BIRC6: variants seen among roughly 807,000 people sequenced by gnomAD.
BIRC6 encodes baculoviral IAP repeat containing 6.
BIRC6 carries 98 observed loss-of-function variants against 503.3 expected under a neutral mutation model. The ratio of observed to expected loss-of-function variants is 0.19; its 90% CI spans 0.17 to 0.23. The LOEUF (loss-of-function observed/expected upper bound fraction) is 0.23, where lower values mean the gene tolerates loss of function less well. Among genes scored for constraint, BIRC6 ranks in the 10% least tolerant of loss-of-function variants. The pLI is 1.00. For missense variants in BIRC6, 5,360 were observed against 5,806.0 expected (o/e 0.92, Z 2.50); for synonymous variants, 2,240 against 2,078.7 (o/e 1.08, Z -2.11).
chr2:32,549,530 T>C (rs753777919), intron 65 of BIRC6, 49 bp downstream of exon 65: 2 of 1,279,404 alleles, frequency 1.6e-6, no homozygotes, highest in Non-Finnish European at 2.0e-6. Context: ...TTTGTTTGCT[T>C]ATTTTATCAT....
rs141272308 is a variant in BIRC6, at chr2:32,416,529, A to C, written c.2872+366A>C. On this transcript the variant is annotated intron_variant, in intron 10 of 73. Transcript: ENST00000421745. ...TATTTATTTATAAACTAGGATAAGA[A>C]AGTCCATTTCCTAGGCTTATTAGAA... Among the ~76,000 whole-genome samples, 1,363 of 151,774 alleles carry C rather than the reference A, an allele frequency of 9.0e-3. 23 individuals are homozygous for C. The highest frequency in any genetic ancestry group is 0.03 in the African/African-American group (1,243 of 41,450).
At chr2:32,419,622 A>T (rs1435429588) in intron 10 of BIRC6, among the ~76,000 whole-genome samples, 1 of 152,080 alleles carries the variant, frequency 6.6e-6, no homozygotes, top group African/African-American at 2.4e-5. Context: ...GATACTTGAC[A>T]AAAAATGCTT....
Position 32,508,210 on chromosome 2 carries a change from A to C in BIRC6, c.9931A>C (p.Thr3311Pro). Reference protein sequence around the residue: ...LTAFGTTSSATVNNPFLPSED... With the variant: ...LTAFGTTSSAPVNNPFLPSED... ...TGCTTTTGGTACCACCTCTTCTGCA[A>C]CAGTTAATAATCCATTCCTTCCATC... The change falls in exon 51 of 74, where the codon ACA becomes CCA. Residue 3311 changes from threonine to proline, a missense_variant. Thr to Pro is a conservative substitution (Grantham distance 38). Coordinates refer to ENST00000421745, the MANE Select transcript of BIRC6 (RefSeq NM_016252.4). The C allele has an allele frequency of 6.2e-7, 1 of 1,610,580 alleles. No homozygotes were observed. The highest frequency in any genetic ancestry group is 8.5e-7 in the Non-Finnish European group (1 of 1,178,884).
chr2:32,521,393 A>AAAAAAAAAAAT (rs2055667204), intron 57 of BIRC6, among the ~76,000 whole-genome samples: 1 of 141,244 alleles, frequency 7.1e-6, no homozygotes, highest in Non-Finnish European at 1.5e-5. Context: ...AAAAAAAAAA[A>AAAAAAAAAAAT]GCAAAGACAA....
At position 32,414,743 on chromosome 2, in the gene BIRC6, C is replaced by T. The variant is rs765713368; in HGVS notation, c.1478-26C>T. 2.6e-6 allele frequency: 4 copies of T among 1,564,544 alleles called. No individual in the cohort carries two copies. The East Asian group carries it at 9.0e-5, about 35-fold the overall frequency. ...GCTGACTGGATGAGTAGAAACATAT[C>T]TAATGAATATTGTTCCTTTTTAAAG... On this transcript the variant is annotated intron_variant, in intron 9 of 73. Coordinates refer to ENST00000421745, the MANE Select transcript of BIRC6 (RefSeq NM_016252.4).
In BIRC6 at chr2:32,515,620, A is replaced by G. The variant is rs2149706061; in HGVS notation, c.11199A>G (p.Ala3733=). 1 of 1,613,432 alleles carries G rather than the reference A, an allele frequency of 6.2e-7. No homozygotes were observed. Among genetic ancestry groups the G allele is most frequent in the Non-Finnish European group, 8.5e-7 (1 of 1,179,874 alleles). The change falls in exon 55 of 74, where the codon GCA becomes GCG. Residue 3733 remains alanine, a synonymous_variant. Coordinates refer to ENST00000421745, the MANE Select transcript of BIRC6 (RefSeq NM_016252.4). ...CTTCTGGAAGCCATAATTTAGGTGC[A>G]CAACAGACCAGTGCAAGATCAGCTT... The part of the protein sequence containing the change: ...GSTSGSHNLG[A]QQTSARSASL...
chr2:32,468,165 G>A, intron 28 of BIRC6, 54 bp downstream of exon 28: 2 of 1,520,270 alleles, frequency 1.3e-6, no homozygotes, highest in Non-Finnish European at 1.8e-6. Context: ...TTTATATAAT[G>A]TCTTGCTTAT....
intron 8 of BIRC6, among the ~76,000 whole-genome samples, chr2:32,402,412 G>A (rs2149758365): frequency 6.6e-6 from 1 of 152,236 alleles, no homozygotes; most frequent in Non-Finnish European, 1.5e-5. Flanking sequence ...ACTTCCAGGG[G>A]CTCCTTATGT....
At chr2:32,363,487 T>G (rs1202209389) in intron 1 of BIRC6, among the ~76,000 whole-genome samples, 1 of 152,180 alleles carries the variant, frequency 6.6e-6, no homozygotes, top group Non-Finnish European at 1.5e-5. Context: ...TTTTGCTTTT[T>G]TGTGAGAGTA....
At chr2:32,425,022 C>T (rs1031290321) in intron 10 of BIRC6, among the ~76,000 whole-genome samples, 4 of 151,138 alleles carry the variant, frequency 2.6e-5, no homozygotes, top group African/African-American at 9.7e-5. Flanking sequence ...TTGAGCATTT[C>T]TTCATGTGTT....
At chr2:32,543,133 A>G (rs2057802181) in intron 61 of BIRC6, 108 bp from the exon 62 acceptor site, 1 of 1,223,852 alleles carries the variant, frequency 8.2e-7, no homozygotes, top group Non-Finnish European at 1.1e-6. Context: ...CAGCTTTATT[A>G]ATCCTTATAA....
Position 32,486,582 on chromosome 2 carries a change from C to T in BIRC6, c.7813+823C>T, listed in dbSNP as rs2051017408. ...GTTTTCTTAGGCCTGCATATTGCTT[C>T]ACCTTCTCTAGGTCAGAGTGAAGAA... is the stretch of plus-strand genomic sequence containing the variant. On this transcript the variant is annotated intron_variant, in intron 40 of 73. Transcript: ENST00000421745. Among the ~76,000 whole-genome samples the T allele has an allele frequency of 2.0e-5, 3 of 152,188 alleles. No individual in the cohort carries two copies. In the South Asian group the frequency reaches 6.2e-4, roughly 31 times the overall value.
intron 2 of BIRC6, among the ~76,000 whole-genome samples, chr2:32,379,793 A>T (rs2037357450): frequency 6.6e-6 from 1 of 152,162 alleles, no homozygotes; most frequent in Non-Finnish European, 1.5e-5. Flanking sequence ...ATATAGCTTG[A>T]GTATTTAAAG....
chr2:32,559,168 C>T (rs940926274), intron 65 of BIRC6, among the ~76,000 whole-genome samples: 1 of 152,230 alleles, frequency 6.6e-6, no homozygotes, highest in African/African-American at 2.4e-5. Flanking sequence ...TAATGTCACA[C>T]ACCCGCATCT....
chr2:32,494,232 CTT>C (rs201204825), intron 45 of BIRC6, among the ~76,000 whole-genome samples: 10 of 143,922 alleles, frequency 6.9e-5, no homozygotes, highest in Non-Finnish European at 3.1e-5. Flanking sequence ...CTGATGAAAA[CTT>C]TTTTTTTTTT....
At position 32,361,895 on chromosome 2, in the gene BIRC6, T is replaced by C. The variant is rs202199999; in HGVS notation, c.325+4409T>C. 7.2e-5 allele frequency among the ~76,000 whole-genome samples: 11 copies of C among 152,334 alleles called. No individual in the cohort carries two copies. The East Asian group carries it at 2.1e-3, about 29-fold the overall frequency. ...CATTCCTTTTTAGCGCTAAATAATA[T>C]TCCATTGTCTGGATGTAGCACAGTT... On this transcript the variant is annotated intron_variant, in intron 1 of 73. Coordinates refer to ENST00000421745, the MANE Select transcript of BIRC6 (RefSeq NM_016252.4).
In BIRC6 at chr2:32,429,420, T is replaced by G. The variant is rs1574141658; in HGVS notation, c.3022+125T>G. ...ATTCTCAACCTGTATGGTATGTTACTCAATATTTGTGAAGTCATCTAAGAG... is the reference window on the plus strand; with the variant it reads ...ATTCTCAACCTGTATGGTATGTTACGCAATATTTGTGAAGTCATCTAAGAG... On this transcript the variant is annotated intron_variant, in intron 11 of 73. Transcript: ENST00000421745. The G allele has an allele frequency of 4.2e-6, 3 of 714,774 alleles. No homozygotes were observed. The East Asian group carries it at 9.4e-5, about 22-fold the overall frequency. 44.3% of individuals were successfully genotyped at this position (714,774 alleles called of 1,614,324 possible).
chr2:32,432,396 T>C (rs1037122734), intron 12 of BIRC6, among the ~76,000 whole-genome samples: 2 of 151,940 alleles, frequency 1.3e-5, no homozygotes, highest in African/African-American at 4.8e-5. Context: ...CAGCCTGGGC[T>C]ACAGAGTGAG....
intron 10 of BIRC6, among the ~76,000 whole-genome samples, chr2:32,419,235 A>G (rs2042693085): frequency 6.6e-6 from 1 of 152,236 alleles, no homozygotes; most frequent in Admixed American, 6.5e-5. Context: ...GACTGAATCA[A>G]ATGGATGTGA....
Sources: allele counts gnomAD v4.1 joint callset (sites outside exome capture counted in the v4.1 genomes callset), GRCh38; gene constraint gnomAD v4.1.1; transcripts MANE v1.5; gene names NCBI Gene and HGNC (gene_info 2026-07-23, HGNC 2026-07-21).